The following PCDH15 variants were observed in gnomAD, a reference collection of about 807,000 sequenced individuals.
The protein encoded by PCDH15 is protocadherin related 15.
Under a neutral mutation model 178.5 loss-of-function variants are expected in PCDH15, and 129 were observed. The ratio of observed to expected loss-of-function variants is 0.72; its 90% confidence interval spans 0.63 to 0.84. The LOEUF (loss-of-function observed/expected upper bound fraction) is 0.84. Ranked by LOEUF, PCDH15 falls within the 40% of genes least tolerant of loss-of-function variation. The probability of loss-of-function intolerance (pLI) is 0.00; values close to 1 mark genes in which losing one functional copy is unlikely to be tolerated. For synonymous variants in PCDH15, 800 were observed against 732.0 expected, an observed-to-expected ratio of 1.09 and a Z score of -1.50; for missense variants, 2,230 against 2,099.9, an observed-to-expected ratio of 1.06 and a Z score of -1.21.
chr10:55,487,823 A>C (rs1014504181), intron 2 of PCDH15, among the ~76,000 whole-genome samples: 2 of 151,576 alleles, frequency 1.3e-5, no homozygotes, highest in Non-Finnish European at 3.0e-5. Flanking sequence ...TAATGACTAT[A>C]CCTATCACAT....
intron 2 of PCDH15, among the ~76,000 whole-genome samples, chr10:55,429,899 C>T (rs1023970103): frequency 5.3e-5 from 8 of 152,026 alleles, no homozygotes; most frequent in African/African-American, 1.9e-4. Context: ...TAGCTTTGTG[C>T]TCCTTAATAA....
At chr10:55,598,431 C>T (rs1354770785) in intron 2 of PCDH15, among the ~76,000 whole-genome samples, 1 of 148,386 alleles carries the variant, frequency 6.7e-6, no homozygotes, top group African/African-American at 2.5e-5. Flanking sequence ...TCTAGAGGAG[C>T]CGGTTCTATA....
chr10:55,494,208 G>T (rs1840484501), intron 2 of PCDH15, among the ~76,000 whole-genome samples: 2 of 151,682 alleles, frequency 1.3e-5, no homozygotes, highest in Non-Finnish European at 2.9e-5. Context: ...AATAAAAGTA[G>T]GGTATGAAGA....
intron 2 of PCDH15, among the ~76,000 whole-genome samples, chr10:54,993,904 A>G (rs1839573839): frequency 6.6e-6 from 1 of 152,230 alleles, no homozygotes; most frequent in African/African-American, 2.4e-5. Flanking sequence ...TATCATTTAC[A>G]GCAATGACAA....
chr10:54,383,815 GTTATT>G (rs1949566089), intron 3 of PCDH15, among the ~76,000 whole-genome samples: 1 of 151,554 alleles, frequency 6.6e-6, no homozygotes, highest in Non-Finnish European at 1.5e-5. Context: ...ACAAATATTG[GTTATT>G]TTATTTTATT....
At chr10:54,121,104 C>T (rs1008251707) in intron 15 of PCDH15, among the ~76,000 whole-genome samples, 11 of 151,030 alleles carry the variant, frequency 7.3e-5, no homozygotes, top group African/African-American at 1.9e-4. Flanking sequence ...TCTTGGACCC[C>T]AGTGGAATGA....
At chr10:55,371,448 A>G (rs904545729) in intron 2 of PCDH15, among the ~76,000 whole-genome samples, 6 of 152,124 alleles carry the variant, frequency 3.9e-5, no homozygotes, top group African/African-American at 1.4e-4. Flanking sequence ...GTCCTCACCC[A>G]AATCTCATGT....
At chr10:53,829,024 C>T (rs552675745) in intron 30 of PCDH15, among the ~76,000 whole-genome samples, 20 of 152,168 alleles carry the variant, frequency 1.3e-4, no homozygotes, top group African/African-American at 4.8e-4. Flanking sequence ...AGGTCCTACT[C>T]TTGGGTAATA....
intron 1 of PCDH15, among the ~76,000 whole-genome samples, chr10:54,747,675 C>T (rs1945640588): frequency 6.6e-6 from 1 of 151,946 alleles, no homozygotes; most frequent in African/African-American, 2.4e-5. Context: ...ATATTCTGGT[C>T]GATGTAACTT....
intron 5 of PCDH15, among the ~76,000 whole-genome samples, chr10:54,365,608 G>C (rs900506976): frequency 6.6e-6 from 1 of 151,972 alleles, no homozygotes; most frequent in Non-Finnish European, 1.5e-5. Flanking sequence ...ATAAATTTTG[G>C]GGGGTGAGAT....
intron 2 of PCDH15, among the ~76,000 whole-genome samples, chr10:55,602,398 G>GGCCT (rs1271734670): frequency 1.3e-5 from 2 of 152,132 alleles, no homozygotes; most frequent in South Asian, 2.1e-4. Context: ...AGCTCAAGGA[G>GGCCT]GCCTGCCTGC....
chr10:55,056,318 C>T (rs563103125), intron 2 of PCDH15, among the ~76,000 whole-genome samples: 159 of 152,202 alleles, frequency 1.0e-3, no homozygotes, highest in African/African-American at 3.5e-3. Context: ...AATACTCTCT[C>T]GCTCTAGTTT....
chr10:55,622,133 T>G (rs1837414287), intron 2 of PCDH15, among the ~76,000 whole-genome samples: 1 of 135,932 alleles, frequency 7.4e-6, no homozygotes, highest in East Asian at 2.2e-4. Context: ...ATATATATTA[T>G]ATATATTATA....
chr10:55,390,033 T>C (rs1837754904), intron 2 of PCDH15, among the ~76,000 whole-genome samples: 1 of 152,154 alleles, frequency 6.6e-6, no homozygotes, highest in South Asian at 2.1e-4. Flanking sequence ...TGAGATGTTA[T>C]TACAGGCACA....
chr10:54,227,180 G>A (rs1181451608), intron 9 of PCDH15, among the ~76,000 whole-genome samples: 1 of 152,182 alleles, frequency 6.6e-6, no homozygotes, highest in Non-Finnish European at 1.5e-5. Flanking sequence ...TTTCCCTCCT[G>A]CACTGCACTA....
At chr10:53,840,106 A>C (rs2077548975) in intron 29 of PCDH15, among the ~76,000 whole-genome samples, 1 of 152,212 alleles carries the variant, frequency 6.6e-6, no homozygotes, top group Admixed American at 6.5e-5. Flanking sequence ...ATGCCCATAA[A>C]GAAAATGGGC....
intron 2 of PCDH15, among the ~76,000 whole-genome samples, chr10:54,987,781 T>C (rs1455994376): frequency 1.3e-5 from 2 of 152,068 alleles, no homozygotes. Context: ...CCTGGGTAGA[T>C]TGCAAAATTT....
rs115250474 is a variant in PCDH15 at position 53,936,831 on chromosome 10, G to T, written c.3373+1984C>A. Among the ~76,000 whole-genome samples the T allele has an allele frequency of 3.8e-3, 579 of 152,120 alleles. 1 individual carries two copies. The highest frequency in any genetic ancestry group is 0.014 in the African/African-American group (564 of 41,510). The stretch of plus-strand genomic sequence containing the variant: ...GATATGTGGTAGGGCAACTAATTCT[G>T]CTGCAGAGATGAATATTTAGCTAAC... On this transcript the variant is annotated intron_variant, in intron 25 of 37. Transcript: ENST00000644397.
At chr10:54,394,271 C>T (rs1263251475) in intron 3 of PCDH15, among the ~76,000 whole-genome samples, 4 of 151,952 alleles carry the variant, frequency 2.6e-5, no homozygotes, top group Non-Finnish European at 5.9e-5. Context: ...TTAGAAGATA[C>T]ACGTAAATAA....
Sources: gnomAD v4.1 joint callset for allele counts (sites outside exome capture counted in the v4.1 genomes callset) on GRCh38, gnomAD v4.1.1 for gene constraint, MANE v1.5 for transcripts, NCBI Gene and HGNC (gene_info 2026-07-23, HGNC 2026-07-21) for gene names.